The following ENSA variants were observed in gnomAD, a reference collection of about 807,000 sequenced individuals.
ENSA encodes endosulfine alpha.
Under a neutral mutation model 16.8 loss-of-function variants are expected in ENSA, and 7 were observed. The ratio of observed to expected loss-of-function variants is 0.42; its 90% CI spans 0.24 to 0.78. The LOEUF is 0.78. Among genes scored for constraint, ENSA ranks in the 30% least tolerant of loss-of-function variants. The pLI, the probability that ENSA is intolerant of heterozygous loss-of-function variation, is 0.29. For synonymous variants in ENSA, 58 were observed against 53.4 expected (o/e 1.09, Z -0.37); for missense variants, 87 against 142.3 (o/e 0.61, Z 1.98).
intron 1 of ENSA, 119 bp from the exon 2 acceptor site, chr1:150,627,711 C>T: frequency 9.8e-7 from 1 of 1,018,102 alleles, no homozygotes; most frequent in Non-Finnish European, 1.4e-6. Context: ...AATACGCTAT[C>T]TCTACTCTGC....
At chr1:150,623,265 C>T in intron 3 of ENSA, 1 of 1,017,428 alleles carries the variant, frequency 9.8e-7, no homozygotes, top group Non-Finnish European at 1.2e-6. Context: ...AGGCCAGAAC[C>T]AGACCACACA....
Position 150,626,609 on chromosome 1 carries a change from T to C in ENSA, c.184-801A>G, listed in dbSNP as rs189946993. On this transcript the variant is annotated intron_variant, in intron 2 of 3. Coordinates refer to ENST00000369014, the MANE Select transcript of ENSA (RefSeq NM_004436.4). ...CCTCGCTATGTTGCCCAGGCTGGAG[T>C]GCAGTGGCACGATCTCGGCTCACTG... 33 of 1,024,842 alleles carry C rather than the reference T, an allele frequency of 3.2e-5. No individual in the cohort carries two copies. The African/African-American group carries it at 3.5e-4, about 11-fold the overall frequency. The allele number at this position is 1,024,842 out of a possible 1,614,324, so 63.5% of individuals were successfully genotyped here.
chr1:150,625,886 C>A, intron 2 of ENSA, 78 bp from the exon 3 acceptor site: 2 of 1,498,046 alleles, frequency 1.3e-6, no homozygotes, highest in South Asian at 2.8e-5. Context: ...ATCTCACATC[C>A]ATTATAAACC....
At position 150,629,558 on chromosome 1, in the gene ENSA, C is replaced by A. The variant is rs1649598686; in HGVS notation, c.-88G>T. 1.3e-6 allele frequency: 2 copies of A among 1,510,798 alleles called. No homozygotes were observed. Among genetic ancestry groups the A allele is most frequent in the South Asian group, 2.4e-5 (2 of 82,090 alleles). 93.6% of individuals were successfully genotyped at this position (1,510,798 alleles called of 1,614,324 possible). A position where few individuals can be genotyped will look rare whatever the true frequency, so the allele number is the denominator to read the frequency against. On this transcript the variant is annotated 5_prime_UTR_variant, in exon 1 of 4. Transcript: ENST00000369014. ...GGGGAAACGGGGACAACCTGCGCTGCTGCTTCGGCTCCTGTCACTAGGGTT... is the reference window on the plus strand; with the variant it reads ...GGGGAAACGGGGACAACCTGCGCTGATGCTTCGGCTCCTGTCACTAGGGTT...
chr1:150,626,795 C>T (rs1187001278), intron 2 of ENSA, among the ~76,000 whole-genome samples: 5 of 152,164 alleles, frequency 3.3e-5, no homozygotes, highest in South Asian at 2.1e-4. Flanking sequence ...CCGCCCGCCT[C>T]GGCCTCCCAA....
intron 2 of ENSA, chr1:150,626,494 G>A: frequency 6.2e-7 from 1 of 1,613,742 alleles, no homozygotes; most frequent in East Asian, 2.2e-5. Context: ...CATCCGCACA[G>A]AGAAGCACAC....
intron 2 of ENSA, 87 bp downstream of exon 2, chr1:150,627,380 A>G: frequency 6.2e-7 from 1 of 1,612,902 alleles, no homozygotes; most frequent in East Asian, 2.2e-5. Context: ...AAACCTCCAG[A>G]AAAGGATCCA....
chr1:150,629,236 G>GACCC, intron 1 of ENSA, 178 bp downstream of exon 1: 1 of 1,535,352 alleles, frequency 6.5e-7, no homozygotes, highest in Non-Finnish European at 8.9e-7. Context: ...AGTGACAAAC[G>GACCC]ACCCAACTAA....
chr1:150,623,274 C>T (rs1649081806), intron 3 of ENSA: 1 of 1,011,016 alleles, frequency 9.9e-7, no homozygotes, highest in Non-Finnish European at 1.2e-6. Context: ...CCAGACCACA[C>T]ACATGCTGTT....
Position 150,622,684 on chromosome 1 carries a change from G to A in ENSA, c.*160C>T. The A allele has an allele frequency of 1.6e-6, 1 of 615,908 alleles. No homozygotes were observed. Among genetic ancestry groups the A allele is most frequent in the Non-Finnish European group, 2.7e-6 (1 of 375,894 alleles). 38.2% of individuals were successfully genotyped at this position (615,908 alleles called of 1,614,324 possible). A position where few individuals can be genotyped will look rare whatever the true frequency, so the allele number is the denominator to read the frequency against. On this transcript the variant is annotated 3_prime_UTR_variant, in exon 4 of 4. Coordinates refer to ENST00000369014, the MANE Select transcript of ENSA (RefSeq NM_004436.4). ...GTGCTCAGCCCAAGGGGCTCCATGTGCTGGGACACCAACAGGAAAGGGCTT... is the reference window on the plus strand; with the variant it reads ...GTGCTCAGCCCAAGGGGCTCCATGTACTGGGACACCAACAGGAAAGGGCTT...
At chr1:150,626,285 A>T (rs777027458) in intron 2 of ENSA, among the ~76,000 whole-genome samples, 1 of 152,362 alleles carries the variant, frequency 6.6e-6, no homozygotes, top group East Asian at 1.9e-4. Context: ...CCAGACCAGG[A>T]ATAGAAACTG....
chr1:150,624,133 C>T (rs1336172028), intron 3 of ENSA: 2 of 985,316 alleles, frequency 2.0e-6, no homozygotes, highest in South Asian at 4.7e-5. Flanking sequence ...CTGGTGGTAA[C>T]TAGATTGAAG....
chr1:150,624,454 G>A (rs1649164425), intron 3 of ENSA: 1 of 985,806 alleles, frequency 1.0e-6, no homozygotes, highest in South Asian at 4.7e-5. Context: ...GCATGACTGA[G>A]CATGTTTCCT....
At chr1:150,627,070 T>C in intron 2 of ENSA, 2 of 1,289,070 alleles carry the variant, frequency 1.6e-6, no homozygotes, top group Non-Finnish European at 2.0e-6. Flanking sequence ...AGGATTTATT[T>C]CTGTAGGAGA....
rs115203304 is a variant in ENSA at position 150,622,863 on chromosome 1, C to A, written c.351-4G>T. On this transcript the variant is annotated splice_polypyrimidine_tract_variant and splice_region_variant and intron_variant, in intron 3 of 3. Coordinates refer to ENST00000369014, the MANE Select transcript of ENSA (RefSeq NM_004436.4). ...GCAGCATCATTCAACTTGGCCACTG[C>A]GGACGAACACAGAAGAAAAAAAAAA... 20 of 1,513,236 alleles carry A rather than the reference C, an allele frequency of 1.3e-5. No homozygotes were observed. The highest frequency in any genetic ancestry group is 2.8e-5 in the African/African-American group (2 of 70,444). 93.7% of individuals were successfully genotyped at this position (1,513,236 alleles called of 1,614,324 possible). A position where few individuals can be genotyped will look rare whatever the true frequency, so the allele number is the denominator to read the frequency against.
Position 150,622,805 on chromosome 1 carries a change from G to A in ENSA, c.*39C>T. 6.4e-7 allele frequency: 1 copy of A among 1,560,382 alleles called. No individual in the cohort carries two copies. Among genetic ancestry groups the A allele is most frequent in the Non-Finnish European group, 8.7e-7 (1 of 1,152,384 alleles). On this transcript the variant is annotated 3_prime_UTR_variant, in exon 4 of 4. Transcript: ENST00000369014. ...GCACAGGACCCGGGTGGGGCAGGGA[G>A]GGGAAGCGTCTCAGGATCTGGCAGA...
At chr1:150,629,382 C>T in intron 1 of ENSA, 32 bp downstream of exon 1, 1 of 1,607,220 alleles carries the variant, frequency 6.2e-7, no homozygotes, top group Non-Finnish European at 8.5e-7. Context: ...ACGGTCTCCC[C>T]AGCTCGCCCG....
At chr1:150,626,717 C>T (rs911771072) in intron 2 of ENSA, among the ~76,000 whole-genome samples, 5 of 152,168 alleles carry the variant, frequency 3.3e-5, no homozygotes, top group South Asian at 2.1e-4. Context: ...CCACCACACC[C>T]GGCTAAGTGT....
chr1:150,627,422 CT>C, intron 2 of ENSA, 44 bp downstream of exon 2: 2 of 1,614,188 alleles, frequency 1.2e-6, no homozygotes, highest in Non-Finnish European at 1.7e-6. Context: ...TTCGAAGAAC[CT>C]CCTTTAGCTC....
Sources: gnomAD v4.1 joint callset for allele counts (sites outside exome capture counted in the v4.1 genomes callset) on GRCh38, gnomAD v4.1.1 for gene constraint, MANE v1.5 for transcripts, NCBI Gene and HGNC (gene_info 2026-07-23, HGNC 2026-07-21) for gene names.